Variants in NTM observed in about 807,000 individuals in gnomAD.
NTM encodes the protein neurotrimin.
A neutral mutation model predicts 42.1 loss-of-function variants in NTM; 13 were observed. That is an observed-to-expected ratio of 0.31 (90% CI 0.20 to 0.49). The LOEUF (loss-of-function observed/expected upper bound fraction) is 0.49, where lower values mean the gene tolerates loss of function less well. NTM is among the 20% of genes least tolerant of loss of function. The probability of loss-of-function intolerance (pLI) is 0.99; values close to 1 mark genes in which losing one functional copy is unlikely to be tolerated. For missense variants in NTM, 373 were observed against 452.8 expected, an observed-to-expected ratio of 0.82 and a Z score of 1.60; for synonymous variants, 187 against 179.2, an observed-to-expected ratio of 1.04 and a Z score of -0.35.
chr11:131,925,104 GT>G (rs1365890745), intron 2 of NTM, among the ~76,000 whole-genome samples: 1 of 152,162 alleles, frequency 6.6e-6, no homozygotes, highest in Admixed American at 6.5e-5. Flanking sequence ...ACAAGGAAAA[GT>G]TTTACCTTGA....
At chr11:131,731,747 C>T (rs1446529640) in intron 1 of NTM, among the ~76,000 whole-genome samples, 1 of 152,186 alleles carries the variant, frequency 6.6e-6, no homozygotes, top group Non-Finnish European at 1.5e-5. Context: ...GCCTGGACTC[C>T]ACGGCTCAGT....
At chr11:131,547,566 T>G (rs1310797848) in intron 1 of NTM, among the ~76,000 whole-genome samples, 1 of 152,176 alleles carries the variant, frequency 6.6e-6, no homozygotes, top group African/African-American at 2.4e-5. Flanking sequence ...TTGTCCTCTC[T>G]GGTAAGAGGT....
At chr11:132,257,800 C>T (rs900522703) in intron 4 of NTM, among the ~76,000 whole-genome samples, 11 of 152,202 alleles carry the variant, frequency 7.2e-5, no homozygotes, top group East Asian at 1.9e-4. Context: ...CATCTGATTT[C>T]GAAGCCCATT....
chr11:132,025,830 T>C (rs1339301712), intron 2 of NTM, among the ~76,000 whole-genome samples: 2 of 152,198 alleles, frequency 1.3e-5, no homozygotes, highest in Non-Finnish European at 2.9e-5. Flanking sequence ...TACTAATCAC[T>C]CAAAGGCCAT....
chr11:132,062,969 T>G (rs921978947), intron 2 of NTM, among the ~76,000 whole-genome samples: 1 of 152,142 alleles, frequency 6.6e-6, no homozygotes, highest in Non-Finnish European at 1.5e-5. Flanking sequence ...GGTCAGTGTT[T>G]TAGACTTTTT....
chr11:132,276,552 G>A (rs2093733761), intron 4 of NTM, among the ~76,000 whole-genome samples: 1 of 152,140 alleles, frequency 6.6e-6, no homozygotes, highest in African/African-American at 2.4e-5. Context: ...CAAAAATTGT[G>A]GTTCATGCTG....
chr11:131,750,225 G>A (rs1474595708), intron 1 of NTM, among the ~76,000 whole-genome samples: 2 of 141,686 alleles, frequency 1.4e-5, no homozygotes, highest in African/African-American at 2.6e-5. Context: ...TCCTGAGATT[G>A]GGTGTTGCCA....
At chr11:132,314,398 C>G (rs1480976368) in intron 6 of NTM, 154 bp from the exon 7 acceptor site, 1 of 367,860 alleles carries the variant, frequency 2.7e-6, no homozygotes, top group Admixed American at 6.4e-5. Flanking sequence ...TGAACTACTA[C>G]TACATTATGG....
At chr11:131,557,772 T>C (rs1456534994) in intron 1 of NTM, among the ~76,000 whole-genome samples, 4 of 150,782 alleles carry the variant, frequency 2.7e-5, no homozygotes, top group African/African-American at 4.9e-5. Context: ...GGGGTGGGAG[T>C]GGAGGGTGAG....
intron 4 of NTM, among the ~76,000 whole-genome samples, chr11:132,243,715 A>G (rs114226462): frequency 0.012 from 1,840 of 152,312 alleles, 21 homozygotes; most frequent in African/African-American, 0.034. Flanking sequence ...CACTTCCCAG[A>G]ACTGACCATC....
At chr11:132,225,180 C>G (rs1371157428) in intron 4 of NTM, among the ~76,000 whole-genome samples, 1 of 152,086 alleles carries the variant, frequency 6.6e-6, no homozygotes, top group Non-Finnish European at 1.5e-5. Context: ...ACAGTGTATA[C>G]TTAGGTGCTG....
chr11:131,838,728 G>GT (rs758812860), intron 1 of NTM, among the ~76,000 whole-genome samples: 1 of 152,056 alleles, frequency 6.6e-6, no homozygotes, highest in Non-Finnish European at 1.5e-5. Flanking sequence ...AACAAAGGGG[G>GT]TTTATTAGGT....
At chr11:131,897,911 C>T (rs1017967889) in intron 1 of NTM, among the ~76,000 whole-genome samples, 2 of 152,102 alleles carry the variant, frequency 1.3e-5, no homozygotes, top group African/African-American at 4.8e-5. Context: ...TGCTCAATTC[C>T]CAGAATTCAG....
At chr11:132,077,357 C>T (rs973113710) in intron 2 of NTM, among the ~76,000 whole-genome samples, 6 of 152,190 alleles carry the variant, frequency 3.9e-5, no homozygotes, top group Non-Finnish European at 8.8e-5. Flanking sequence ...TTTCCACTTA[C>T]TGGAGGAAGA....
At chr11:132,230,845 G>A (rs2087396741) in intron 4 of NTM, among the ~76,000 whole-genome samples, 1 of 152,140 alleles carries the variant, frequency 6.6e-6, no homozygotes, top group Admixed American at 6.6e-5. Flanking sequence ...AACATAATGA[G>A]ACCCCCATCT....
chr11:131,494,420 G>T (rs114041229), intron 1 of NTM, among the ~76,000 whole-genome samples: 5 of 152,170 alleles, frequency 3.3e-5, no homozygotes, highest in African/African-American at 1.2e-4. Flanking sequence ...CTGGTAGAAG[G>T]CTTTCCAGAG....
chr11:131,732,272 G>C (rs551882829), intron 1 of NTM, among the ~76,000 whole-genome samples: 2 of 151,974 alleles, frequency 1.3e-5, no homozygotes, highest in South Asian at 4.2e-4. Flanking sequence ...GTAAATATTC[G>C]CTTCTCTCTT....
At chr11:132,333,071 C>T (rs1221122356) in intron 8 of NTM, among the ~76,000 whole-genome samples, 2 of 152,128 alleles carry the variant, frequency 1.3e-5, no homozygotes, top group African/African-American at 2.4e-5. Flanking sequence ...CAGCTGTGTC[C>T]CCTGCCGGGA....
chr11:132,236,688 AG>A (rs2088990880), intron 4 of NTM, among the ~76,000 whole-genome samples: 2 of 152,224 alleles, frequency 1.3e-5, no homozygotes, highest in African/African-American at 4.8e-5. Context: ...TGCTGTAGAA[AG>A]GCAGAGCAAG....
Sources: gnomAD v4.1 joint callset for allele counts (sites outside exome capture counted in the v4.1 genomes callset) on GRCh38, gnomAD v4.1.1 for gene constraint, MANE v1.5 for transcripts, NCBI Gene and HGNC (gene_info 2026-07-23, HGNC 2026-07-21) for gene names.